The following IPO9 variants were observed in gnomAD, a reference collection of about 807,000 sequenced individuals.
The protein encoded by IPO9 is importin 9, also known as importin-9.
In IPO9, 28 loss-of-function variants were observed where a neutral mutation model predicts 128.6. That is an observed-to-expected ratio of 0.22 (90% confidence interval 0.16 to 0.30). The LOEUF is 0.30. IPO9 is among the 10% of genes least tolerant of loss of function. The probability of loss-of-function intolerance (pLI) is 1.00; values close to 1 mark genes in which losing one functional copy is unlikely to be tolerated. For synonymous variants in IPO9, 455 were observed against 475.8 expected, an observed-to-expected ratio of 0.96 and a Z score of 0.57; for missense variants, 935 against 1,293.9, an observed-to-expected ratio of 0.72 and a Z score of 4.26.
Position 201,881,484 on chromosome 1 carries a change from A to C in IPO9, c.*5430A>C, listed in dbSNP as rs1680882942. 1 of 152,186 alleles carries C rather than the reference A, an allele frequency of 6.6e-6. No homozygotes were observed. The highest frequency in any genetic ancestry group is 6.5e-5 in the Admixed American group (1 of 15,288). The allele number at this position is 152,186 out of a possible 1,614,324, so 9.4% of individuals were successfully genotyped here. On this transcript the variant is annotated 3_prime_UTR_variant, in exon 24 of 24. Transcript: ENST00000361565. ...AAGACATTGCAGAGAAAAAGTAAGA[A>C]AAGGCCGTCATGAAACAATTTCATT...
At position 201,858,964 on chromosome 1, in the gene IPO9, A is replaced by G; in HGVS notation, c.1438A>G (p.Asn480Asp). 1.2e-6 allele frequency: 2 copies of G among 1,611,600 alleles called. No individual in the cohort carries two copies. The highest frequency in any genetic ancestry group is 1.3e-5 in the African/African-American group (1 of 74,938). ...TTTTGACATGCATGGGTTCCTGACC[A>G]ATGTCATCCTTGCAGACCTCAACCT... ...IHFDMHGFLT[N>D]VILADLNLSV... The change falls in exon 13 of 24, where the codon AAT becomes GAT. Residue 480 changes from asparagine to aspartate, a missense_variant. Asn to Asp is a conservative substitution (Grantham distance 23). Around this residue, in one of 3 missense-constraint regions of IPO9, gnomAD observed 741 missense variants for 1,019.1 expected, o/e 0.73. Coordinates refer to ENST00000361565, the MANE Select transcript of IPO9 (RefSeq NM_018085.5).
intron 1 of IPO9, among the ~76,000 whole-genome samples, chr1:201,841,703 A>G (rs904386536): frequency 1.3e-5 from 2 of 152,206 alleles, no homozygotes; most frequent in East Asian, 3.8e-4. Context: ...TATTCAAAAA[A>G]TAAGGAAGTG....
chr1:201,842,920 C>A (rs1401311086), intron 1 of IPO9, among the ~76,000 whole-genome samples: 1 of 152,202 alleles, frequency 6.6e-6, no homozygotes, highest in Non-Finnish European at 1.5e-5. Flanking sequence ...TCATCTCTTG[C>A]TCTGAGCCTC....
At chr1:201,854,552 G>C (rs1391557344) in intron 6 of IPO9, 43 bp from the exon 7 acceptor site, 2 of 1,608,226 alleles carry the variant, frequency 1.2e-6, no homozygotes, top group South Asian at 2.2e-5. Flanking sequence ...TGAAGCCATG[G>C]ATTAGGGGTT....
chr1:201,858,820 A>C (rs1229209778), intron 12 of IPO9, 35 bp from the exon 13 acceptor site: 1 of 1,570,850 alleles, frequency 6.4e-7, no homozygotes, highest in South Asian at 1.1e-5. Context: ...TTGGCAGTTT[A>C]GTATGTTTTA....
chr1:201,858,587 T>C (rs1366732772), intron 12 of IPO9, 34 bp downstream of exon 12: 13 of 1,226,946 alleles, frequency 1.1e-5, no homozygotes, highest in South Asian at 1.5e-5. Context: ...TAAGATGCTT[T>C]TGTTTACCCC....
chr1:201,829,211 TGGCGGCGGCGGC>T lies in IPO9; in HGVS notation c.6_17del (p.AlaAlaAlaAla4_?7). On this transcript the variant is annotated start_lost and inframe_deletion, in exon 1 of 24. Transcript: ENST00000361565. ...GCTGGCGGGCTGAGGGGAGAAAAGA[TGGCGGCGGCGGC>T]GGCAGCTGGTGCGGCCTCCGGGCTG... 6.5e-7 allele frequency: 1 copy of T among 1,545,472 alleles called. No individual in the cohort carries two copies. Among genetic ancestry groups the T allele is most frequent in the Non-Finnish European group, 8.7e-7 (1 of 1,150,524 alleles).
rs1447194331 is a variant in IPO9, at chr1:201,874,858, CAGG to C, written c.2868_2870del (p.Glu962del). On this transcript the variant is annotated inframe_deletion, in exon 22 of 24. Transcript: ENST00000361565. ...TGACTCCAATGATATGTGGGAGGAC[CAGG>C]AGGAGGAAGAGGAGGAGGAGGAGGA... 4 of 1,613,084 alleles carry C rather than the reference CAGG, an allele frequency of 2.5e-6. No homozygotes were observed. In the African/African-American group the frequency reaches 4.0e-5, roughly 16 times the overall value.
Position 201,879,596 on chromosome 1 carries a change from A to T in IPO9, c.*3542A>T, listed in dbSNP as rs886822998. ...AGGAAGGATGACAATTTAGAATCCA[A>T]ATTTAGGATCCAAACAAATACCATT... On this transcript the variant is annotated 3_prime_UTR_variant, in exon 24 of 24. Transcript: ENST00000361565. 6.6e-6 allele frequency: 1 copy of T among 152,246 alleles called. No homozygotes were observed. 9.4% of individuals were successfully genotyped at this position (152,246 alleles called of 1,614,324 possible).
At position 201,855,164 on chromosome 1, in the gene IPO9, G is replaced by A; in HGVS notation, c.952G>A (p.Asp318Asn). 6.3e-7 allele frequency: 1 copy of A among 1,596,086 alleles called. No homozygotes were observed. The change falls in exon 9 of 24, where the codon GAT becomes AAT. Residue 318 changes from aspartate (D) to asparagine (N), a missense_variant. Asp to Asn is a conservative substitution (Grantham distance 23, BLOSUM62 1). Around this residue, in one of 3 missense-constraint regions of IPO9, gnomAD observed 741 missense variants for 1,019.1 expected, o/e 0.73. Coordinates refer to ENST00000361565, the MANE Select transcript of IPO9 (RefSeq NM_018085.5). ...TEVNYTEEVE[D>N]PVDSDGEVLG... ...AGTAAATTACACAGAAGAAGTAGAAGATCCTGTGGATTCTGATGGTATGTA... is the reference window on the plus strand; with the variant it reads ...AGTAAATTACACAGAAGAAGTAGAAAATCCTGTGGATTCTGATGGTATGTA...
At chr1:201,852,044 CACTT>C in intron 4 of IPO9, 56 bp from the exon 5 acceptor site, 2 of 1,079,876 alleles carry the variant, frequency 1.9e-6, no homozygotes, top group Non-Finnish European at 2.8e-6. Context: ...GAAAATATCA[CACTT>C]AATATCTTTA....
At chr1:201,859,229 C>A (rs930213617) in intron 13 of IPO9, among the ~76,000 whole-genome samples, 6 of 126,676 alleles carry the variant, frequency 4.7e-5, no homozygotes, top group African/African-American at 8.6e-5. Flanking sequence ...TTAAACCTGT[C>A]ATTAACTTGG....
rs1422237178 is a variant in IPO9, at chr1:201,870,873, G to A, written c.2409+15G>A. On this transcript the variant is annotated intron_variant, in intron 18 of 23. Coordinates refer to ENST00000361565, the MANE Select transcript of IPO9 (RefSeq NM_018085.5). This position sits in a 1 kb window ranked among gnomAD's most constrained non-coding sequence, Gnocchi z 4.9. ...GTGTCATGCAGGTAAGAGAGCAGTG[G>A]GGAGTGGGCTTCCTACTCCCTGGCT... 1.9e-6 allele frequency: 3 copies of A among 1,592,422 alleles called. No individual in the cohort carries two copies. The highest frequency in any genetic ancestry group is 2.7e-5 in the African/African-American group (2 of 74,152).
chr1:201,851,141 A>G (rs1233920953), intron 4 of IPO9, among the ~76,000 whole-genome samples: 1 of 150,450 alleles, frequency 6.6e-6, no homozygotes, highest in African/African-American at 2.5e-5. Context: ...TCAGCATCCT[A>G]AGTAGCTGGG....
chr1:201,874,138 G>T (rs1158258750), intron 20 of IPO9, 112 bp from the exon 21 acceptor site: 2 of 1,101,516 alleles, frequency 1.8e-6, no homozygotes, highest in Non-Finnish European at 2.7e-6. Flanking sequence ...CAGGTACAGT[G>T]AAAGTCTGAG....
At position 201,876,453 on chromosome 1, in the gene IPO9, T is replaced by C. The variant is rs371922129; in HGVS notation, c.*399T>C. ...ATTTATATTCTAAAACAGACCTATC[T>C]ATGTTCATAGGACTTCTGATGTGTT... On this transcript the variant is annotated 3_prime_UTR_variant, in exon 24 of 24. Coordinates refer to ENST00000361565, the MANE Select transcript of IPO9 (RefSeq NM_018085.5). The C allele has an allele frequency of 5.1e-5, 18 of 350,056 alleles. No homozygotes were observed. Among genetic ancestry groups the C allele is most frequent in the South Asian group, 3.8e-4 (17 of 44,562 alleles). The allele number at this position is 350,056 out of a possible 1,614,324, so 21.7% of individuals were successfully genotyped here.
At chr1:201,859,127 G>A (rs1205943905) in intron 13 of IPO9, 133 bp downstream of exon 13, 1 of 581,136 alleles carries the variant, frequency 1.7e-6, no homozygotes, top group Admixed American at 3.3e-5. Context: ...CATGGCACAT[G>A]TATACATATG....
At chr1:201,841,613 G>T (rs1680037604) in intron 1 of IPO9, among the ~76,000 whole-genome samples, 1 of 152,182 alleles carries the variant, frequency 6.6e-6, no homozygotes, top group Non-Finnish European at 1.5e-5. Context: ...TCCACTAAAA[G>T]ACAGCAGGGT....
rs1217321432 is a variant in IPO9 at position 201,882,404 on chromosome 1, C to T, written c.*6350C>T. The T allele has an allele frequency of 1.4e-5, 2 of 142,358 alleles. No homozygotes were observed. Among genetic ancestry groups the T allele is most frequent in the Non-Finnish European group, 3.0e-5 (2 of 66,644 alleles). 8.8% of individuals were successfully genotyped at this position (142,358 alleles called of 1,614,324 possible). On this transcript the variant is annotated 3_prime_UTR_variant, in exon 24 of 24. Coordinates refer to ENST00000361565, the MANE Select transcript of IPO9 (RefSeq NM_018085.5). ...CCAAGATCATGCCACTACACTCCAG[C>T]CTGGGCGACAGAGCGACACTCTGCC...
Sources: gnomAD v4.1 joint callset for allele counts (sites outside exome capture counted in the v4.1 genomes callset) on GRCh38, gnomAD v4.1.1 for gene constraint, gnomAD v4.1.1 regional missense constraint, Gnocchi (gnomAD v3.1) non-coding constraint, MANE v1.5 for transcripts, NCBI Gene and HGNC (gene_info 2026-07-23, HGNC 2026-07-21) for gene names.